NCKAP5: variants seen among roughly 807,000 people sequenced by gnomAD.
The protein encoded by NCKAP5 is nck-associated protein 5.
NCKAP5 carries 92 observed loss-of-function variants against 167.0 expected under a neutral mutation model. The observed-to-expected ratio is 0.55, with a 90% CI of 0.47 to 0.66. The LOEUF (loss-of-function observed/expected upper bound fraction) is 0.66. NCKAP5 is among the 30% of genes least tolerant of loss of function. NCKAP5 has a pLI of 0.00. For synonymous variants in NCKAP5, 891 were observed against 877.4 expected (o/e 1.02, Z -0.27); for missense variants, 2,378 against 2,315.0 (o/e 1.03, Z -0.56).
At chr2:132,991,669 C>A (rs1041234057) in intron 7 of NCKAP5, among the ~76,000 whole-genome samples, 1 of 152,136 alleles carries the variant, frequency 6.6e-6, no homozygotes, top group Non-Finnish European at 1.5e-5. Flanking sequence ...ACAAACACTG[C>A]TACCGCAGTG....
In NCKAP5 at chr2:133,567,200, G is replaced by A. The variant is rs140420926; in HGVS notation, c.-130+1016C>T. On this transcript the variant is annotated intron_variant, in intron 1 of 19. Coordinates refer to ENST00000409261, the MANE Select transcript of NCKAP5 (RefSeq NM_207363.3). ...AGAGGGCAGGAATCAGCTGGGATTT[G>A]CTACTGGTTGCAAGAGGCTGAACTG... Among the ~76,000 whole-genome samples, 480 of 152,312 alleles carry A rather than the reference G, an allele frequency of 3.2e-3. 2 individuals carry two copies. The highest frequency in any genetic ancestry group is 3.2e-3 in the Non-Finnish European group (220 of 68,030).
chr2:133,398,706 T>C (rs1318851966), intron 3 of NCKAP5, among the ~76,000 whole-genome samples: 2 of 152,210 alleles, frequency 1.3e-5, no homozygotes, highest in Admixed American at 6.5e-5. Context: ...TATATCAACA[T>C]TGACATCTTT....
At chr2:132,751,035 G>A (rs1316345508) in intron 16 of NCKAP5, among the ~76,000 whole-genome samples, 2 of 152,130 alleles carry the variant, frequency 1.3e-5, no homozygotes, top group Non-Finnish European at 2.9e-5. Flanking sequence ...ACACAGCTCA[G>A]CCCATTTATT....
At chr2:132,835,398 A>G (rs1687818356) in intron 11 of NCKAP5, among the ~76,000 whole-genome samples, 1 of 152,110 alleles carries the variant, frequency 6.6e-6, no homozygotes, top group African/African-American at 2.4e-5. Context: ...GTCTTCTGTG[A>G]TCCCTGGTTG....
At chr2:133,013,831 C>A (rs1254116759) in intron 6 of NCKAP5, among the ~76,000 whole-genome samples, 1 of 152,148 alleles carries the variant, frequency 6.6e-6, no homozygotes, top group Non-Finnish European at 1.5e-5. Context: ...AGTGTCTTCA[C>A]AGGTCTCTAT....
At chr2:133,651,950 G>C in the NCKAP5 span, among the ~76,000 whole-genome samples, 1 of 152,184 alleles carries the variant, frequency 6.6e-6, no homozygotes, top group Non-Finnish European at 1.5e-5. Flanking sequence ...CCCCGTCTTA[G>C]GAGTTCATGG....
intron 3 of NCKAP5, among the ~76,000 whole-genome samples, chr2:133,488,365 G>C (rs1344613741): frequency 6.6e-6 from 1 of 152,140 alleles, no homozygotes; most frequent in Non-Finnish European, 1.5e-5. Context: ...GGTGGCTGTT[G>C]ATCAGACATT....
chr2:133,346,163 G>C (rs1256655632), intron 3 of NCKAP5, among the ~76,000 whole-genome samples: 2 of 152,144 alleles, frequency 1.3e-5, no homozygotes, highest in Non-Finnish European at 2.9e-5. Context: ...GGAATAAAAT[G>C]ACCCAAATAT....
At chr2:133,453,580 G>T (rs1028253290) in intron 3 of NCKAP5, among the ~76,000 whole-genome samples, 1 of 151,960 alleles carries the variant, frequency 6.6e-6, no homozygotes, top group African/African-American at 2.4e-5. Flanking sequence ...ACAAAATAAG[G>T]GTTATTCATT....
At chr2:133,434,265 T>TA (rs1303624114) in intron 3 of NCKAP5, among the ~76,000 whole-genome samples, 2 of 152,240 alleles carry the variant, frequency 1.3e-5, no homozygotes, top group African/African-American at 2.4e-5. Flanking sequence ...TACTTATCTT[T>TA]AAAAACGCTC....
intron 8 of NCKAP5, among the ~76,000 whole-genome samples, chr2:132,899,979 T>A (rs932671555): frequency 1.3e-5 from 2 of 152,148 alleles, no homozygotes; most frequent in African/African-American, 4.8e-5. Context: ...GTAGGTTGAA[T>A]AATTGGCCCA....
chr2:132,998,723 G>A (rs778650451), intron 6 of NCKAP5, among the ~76,000 whole-genome samples: 11 of 151,686 alleles, frequency 7.3e-5, no homozygotes, highest in Admixed American at 1.3e-4. Context: ...TTATTATTTC[G>A]ACGGCTAATG....
chr2:133,027,514 G>C (rs938425628), intron 6 of NCKAP5, among the ~76,000 whole-genome samples: 2 of 152,180 alleles, frequency 1.3e-5, no homozygotes, highest in Non-Finnish European at 2.9e-5. Flanking sequence ...GTCACACAGA[G>C]TGTAAGTGGT....
At chr2:133,465,976 G>T (rs987597887) in intron 3 of NCKAP5, among the ~76,000 whole-genome samples, 49 of 151,656 alleles carry the variant, frequency 3.2e-4, no homozygotes, top group African/African-American at 1.2e-3. Context: ...TCACTCTGAT[G>T]GTAGTTTCTT....
chr2:132,827,705 C>T (rs1687228974), intron 11 of NCKAP5, among the ~76,000 whole-genome samples: 1 of 152,158 alleles, frequency 6.6e-6, no homozygotes, highest in South Asian at 2.1e-4. Context: ...AAAAATTACT[C>T]AACAAGACAT....
At chr2:133,259,739 A>C (rs1206497851) in intron 4 of NCKAP5, among the ~76,000 whole-genome samples, 1 of 152,244 alleles carries the variant, frequency 6.6e-6, no homozygotes, top group African/African-American at 2.4e-5. Flanking sequence ...GATCTAAAGT[A>C]GACACAACGA....
intron 5 of NCKAP5, among the ~76,000 whole-genome samples, chr2:133,200,066 T>TC (rs1432729932): frequency 6.8e-6 from 1 of 146,560 alleles, no homozygotes; most frequent in Non-Finnish European, 1.5e-5. Context: ...TCTTTCTTTT[T>TC]TTTTTTTTTT....
intron 6 of NCKAP5, among the ~76,000 whole-genome samples, chr2:133,018,225 A>G (rs937329782): frequency 6.6e-6 from 1 of 152,148 alleles, no homozygotes; most frequent in Non-Finnish European, 1.5e-5. Flanking sequence ...CAGGGGTTCT[A>G]TGCAATGAGC....
intron 19 of NCKAP5, among the ~76,000 whole-genome samples, chr2:132,701,781 G>A (rs1191207780): frequency 2.0e-5 from 3 of 152,110 alleles, no homozygotes; most frequent in Admixed American, 1.3e-4. Flanking sequence ...TACCACTTAT[G>A]TCTATGACTT....
Sources: allele counts gnomAD v4.1 joint callset (sites outside exome capture counted in the v4.1 genomes callset), GRCh38; gene constraint gnomAD v4.1.1; transcripts MANE v1.5; gene names NCBI Gene and HGNC (gene_info 2026-07-23, HGNC 2026-07-21).